Variants in DIP2C observed in about 807,000 individuals in gnomAD.
DIP2C encodes the protein DIP2 acetate--CoA ligase C (putative).
DIP2C carries 33 observed loss-of-function variants against 192.4 expected under a neutral mutation model. The ratio of observed to expected loss-of-function variants is 0.17; its 90% confidence interval spans 0.13 to 0.23. The LOEUF (loss-of-function observed/expected upper bound fraction) is 0.23. Ranked by LOEUF, DIP2C falls within the 10% of genes least tolerant of loss-of-function variation. The pLI, the probability that DIP2C is intolerant of heterozygous loss-of-function variation, is 1.00. For synonymous variants in DIP2C, 979 were observed against 864.1 expected, an observed-to-expected ratio of 1.13 and a Z score of -2.33; for missense variants, 1,537 against 2,110.1, an observed-to-expected ratio of 0.73 and a Z score of 5.32.
chr10:451,068 C>G lies in DIP2C; in HGVS notation c.269-10072G>C, dbSNP rs149436555. Among the ~76,000 whole-genome samples the G allele has an allele frequency of 3.9e-5, 6 of 152,310 alleles. No homozygotes were observed. In the East Asian group the frequency reaches 1.2e-3, roughly 29 times the overall value. On this transcript the variant is annotated intron_variant, in intron 3 of 36. Coordinates refer to ENST00000280886, the MANE Select transcript of DIP2C (RefSeq NM_014974.3). ...GTCTCAAAGCCCATCTCTGCAGCACCGGGCTGTGCTCCCCAGCCCCTGCCT... is the reference window on the plus strand; with the variant it reads ...GTCTCAAAGCCCATCTCTGCAGCACGGGGCTGTGCTCCCCAGCCCCTGCCT...
intron 1 of DIP2C, among the ~76,000 whole-genome samples, chr10:508,816 G>C (rs943621667): frequency 6.6e-6 from 1 of 152,206 alleles, no homozygotes; most frequent in Non-Finnish European, 1.5e-5. Flanking sequence ...GAGATGGGAA[G>C]TTGTGTACTA....
At chr10:306,594 C>A (rs954927499) in intron 32 of DIP2C, among the ~76,000 whole-genome samples, 15 of 152,196 alleles carry the variant, frequency 9.9e-5, no homozygotes, top group African/African-American at 3.6e-4. Context: ...GAGAAAACCA[C>A]CATCCCATTT....
intron 1 of DIP2C, among the ~76,000 whole-genome samples, chr10:599,685 CCA>C (rs1564250743): frequency 6.6e-6 from 1 of 152,182 alleles, no homozygotes; most frequent in African/African-American, 2.4e-5. Context: ...GCCACAGAGC[CCA>C]GAGCTCCAGT....
intron 3 of DIP2C, among the ~76,000 whole-genome samples, chr10:452,753 A>G (rs145611543): frequency 3.3e-3 from 507 of 152,306 alleles, no homozygotes; most frequent in Middle Eastern, 0.01. Flanking sequence ...ACACACCGCT[A>G]CTGAGGAGGT....
Position 329,616 on chromosome 10 carries a change from G to T in DIP2C, c.3585-15C>A, listed in dbSNP as rs763568032. 3 of 1,612,864 alleles carry T rather than the reference G, an allele frequency of 1.9e-6. No homozygotes were observed. Among genetic ancestry groups the T allele is most frequent in the African/African-American group, 2.7e-5 (2 of 74,900 alleles). ...CAGAATACACACTGCAGAGAAAGAAGAGGCTGTCAGGGCGGGAGCTCAGCA... is the reference window on the plus strand; with the variant it reads ...CAGAATACACACTGCAGAGAAAGAATAGGCTGTCAGGGCGGGAGCTCAGCA... On this transcript the variant is annotated splice_polypyrimidine_tract_variant and intron_variant, in intron 29 of 36. Coordinates refer to ENST00000280886, the MANE Select transcript of DIP2C (RefSeq NM_014974.3).
intron 26 of DIP2C, 94 bp downstream of exon 26, chr10:348,547 A>G (rs1958631662): frequency 1.3e-5 from 20 of 1,539,824 alleles, no homozygotes; most frequent in Non-Finnish European, 1.7e-5. Context: ...TTCCACAGCC[A>G]GCAGCTGCCC....
chr10:479,723 A>G (rs1214507409), intron 2 of DIP2C, among the ~76,000 whole-genome samples: 1 of 152,142 alleles, frequency 6.6e-6, no homozygotes, highest in African/African-American at 2.4e-5. Flanking sequence ...TTTTCCTATT[A>G]TAATGTTTTA....
At chr10:492,735 T>G (rs1844534738) in intron 1 of DIP2C, among the ~76,000 whole-genome samples, 1 of 152,174 alleles carries the variant, frequency 6.6e-6, no homozygotes, top group Admixed American at 6.5e-5. Flanking sequence ...GAGTTTTACC[T>G]TTTTGGTTTT....
At chr10:345,207 C>G in intron 26 of DIP2C, 97 bp from the exon 27 acceptor site, 1 of 1,174,122 alleles carries the variant, frequency 8.5e-7, no homozygotes, top group Non-Finnish European at 1.2e-6. Context: ...ACACTAAAAC[C>G]ATGTAGCTTT....
At chr10:571,321 G>A (rs1440298420) in intron 1 of DIP2C, among the ~76,000 whole-genome samples, 1 of 151,980 alleles carries the variant, frequency 6.6e-6, no homozygotes, top group South Asian at 2.1e-4. Flanking sequence ...AGCTCCCCCC[G>A]GCCATCACAC....
intron 1 of DIP2C, among the ~76,000 whole-genome samples, chr10:508,375 T>C (rs1046520294): frequency 2.0e-5 from 3 of 152,174 alleles, no homozygotes; most frequent in Non-Finnish European, 4.4e-5. Context: ...CTTACTCCCT[T>C]GCTCCCCAGC....
In DIP2C at chr10:484,999, A is replaced by G. The variant is rs1588265421; in HGVS notation, c.157+1460T>C. 7 of 1,527,564 alleles carry G rather than the reference A, an allele frequency of 4.6e-6. No individual in the cohort carries two copies. The East Asian group carries it at 1.7e-4, about 37-fold the overall frequency. 94.6% of individuals were successfully genotyped at this position (1,527,564 alleles called of 1,614,324 possible). ...TTAATTCAAACTTTAGTTTTTTTTA[A>G]ATTTGTTACAGCGCTGAGCAGAGCT... is the stretch of plus-strand genomic sequence containing the variant. On this transcript the variant is annotated intron_variant, in intron 2 of 36. Transcript: ENST00000280886.
chr10:652,115 A>G lies in DIP2C; in HGVS notation c.85+37379T>C, dbSNP rs1855956706. On this transcript the variant is annotated intron_variant, in intron 1 of 36. Transcript: ENST00000280886. The surrounding 1 kb of genome is among the most constrained non-coding windows in gnomAD (Gnocchi z 4.5). ...CAAGAGTCAACTGTATGCAATTGAC[A>G]CTGATTCCTACCAACGATATCCAAA... The G allele has an allele frequency of 6.3e-6, 1 of 159,864 alleles. No individual in the cohort carries two copies. Among genetic ancestry groups the G allele is most frequent in the East Asian group, 1.9e-4 (1 of 5,230 alleles). The allele number at this position is 159,864 out of a possible 1,614,324, so 9.9% of individuals were successfully genotyped here.
intron 9 of DIP2C, among the ~76,000 whole-genome samples, chr10:407,501 A>G (rs1964889644): frequency 1.3e-5 from 2 of 152,284 alleles, no homozygotes; most frequent in South Asian, 4.2e-4. Flanking sequence ...TCTTTGAGGG[A>G]CTGTCACGTT....
At chr10:627,295 C>T (rs949005602) in intron 1 of DIP2C, among the ~76,000 whole-genome samples, 1 of 152,230 alleles carries the variant, frequency 6.6e-6, no homozygotes, top group Non-Finnish European at 1.5e-5. Flanking sequence ...GGTCGGGAAA[C>T]CCTCCCGACA....
At chr10:576,009 T>G (rs1588496582) in intron 1 of DIP2C, among the ~76,000 whole-genome samples, 1 of 152,226 alleles carries the variant, frequency 6.6e-6, no homozygotes. Flanking sequence ...GTCTCTGTCC[T>G]GCTCCTGAGG....
chr10:590,094 G>C (rs752861390), intron 1 of DIP2C, among the ~76,000 whole-genome samples: 2 of 152,188 alleles, frequency 1.3e-5, no homozygotes, highest in Non-Finnish European at 2.9e-5. Context: ...TCCTCTAAAC[G>C]GGAGGTCCCG....
chr10:508,349 C>G (rs542302343), intron 1 of DIP2C, among the ~76,000 whole-genome samples: 4 of 152,240 alleles, frequency 2.6e-5, no homozygotes, highest in African/African-American at 9.6e-5. Context: ...AGGCCCTCAG[C>G]CCCTCCATGT....
At chr10:679,581 A>C (rs1253422055) in intron 1 of DIP2C, among the ~76,000 whole-genome samples, 26 of 36,626 alleles carry the variant, frequency 7.1e-4, no homozygotes, top group East Asian at 1.7e-3. Context: ...CCCCCCACCC[A>C]TGCTCCCCAC....
Sources: gnomAD v4.1 joint callset for allele counts (sites outside exome capture counted in the v4.1 genomes callset) on GRCh38, gnomAD v4.1.1 for gene constraint, Gnocchi (gnomAD v3.1) non-coding constraint, MANE v1.5 for transcripts, NCBI Gene and HGNC (gene_info 2026-07-23, HGNC 2026-07-21) for gene names.